Variants in DIAPH2 observed in about 807,000 individuals in gnomAD.
DIAPH2 encodes diaphanous related formin 2, also known as protein diaphanous homolog 2.
A neutral mutation model predicts 92.7 loss-of-function variants in DIAPH2; 35 were observed. The observed-to-expected ratio is 0.38, with a 90% CI of 0.29 to 0.50. The LOEUF is 0.50. Ranked by LOEUF, DIAPH2 falls within the 20% of genes least tolerant of loss-of-function variation. The pLI, the probability that DIAPH2 is intolerant of heterozygous loss-of-function variation, is 0.94. For synonymous variants in DIAPH2, 301 were observed against 280.4 expected, an observed-to-expected ratio of 1.07 and a Z score of -0.73; for missense variants, 701 against 819.5, an observed-to-expected ratio of 0.86 and a Z score of 1.77.
At chrX:97,355,358 A>G (rs1343742195) in intron 24 of DIAPH2, among the ~76,000 whole-genome samples, 2 of 110,432 alleles carry the variant, frequency 1.8e-5, no homozygotes, top group Non-Finnish European at 3.8e-5. Flanking sequence ...CTGATCCAAA[A>G]TGACTTAAGT....
chrX:97,558,732 T>A (rs2071273531), intron 26 of DIAPH2, among the ~76,000 whole-genome samples: 1 of 111,556 alleles, frequency 9.0e-6, no homozygotes, highest in South Asian at 3.7e-4. Context: ...CTAACCAAGA[T>A]AGATAAAATA....
In DIAPH2 at chrX:97,141,718, C is replaced by A; in HGVS notation, c.2643C>A (p.Ala881=). 9 of 1,205,557 alleles carry A rather than the reference C, an allele frequency of 7.5e-6. No individual in the cohort carries two copies. The highest frequency in any genetic ancestry group is 1.8e-5 in the South Asian group (1 of 55,537). ...DQKTTLLHFI[A]DICEEKYRDI... ...AAACAACCCTTTTGCATTTTATTGC[C>A]GACATTTGTGAGGAAAAATATCGAG... Residue 881 remains alanine (A), a synonymous_variant, in exon 22 of 27, where the codon GCC becomes GCA. Transcript: ENST00000324765.
intron 9 of DIAPH2, among the ~76,000 whole-genome samples, chrX:96,921,319 G>A (rs936810612): frequency 3.6e-5 from 4 of 110,680 alleles, no homozygotes; most frequent in South Asian, 3.8e-4. Context: ...AAGATAAATC[G>A]CATATCTTCA....
chrX:97,514,215 A>G (rs1222500409), intron 26 of DIAPH2, among the ~76,000 whole-genome samples: 2 of 112,036 alleles, frequency 1.8e-5, no homozygotes, highest in Non-Finnish European at 3.8e-5. Context: ...GTTTCTTTTT[A>G]TTCTTTTTTC....
rs775248606 is a variant in DIAPH2, at chrX:97,129,825, C to A, written c.2590-11840C>A. ...TATCAACAGAGTGAAAAAAAGGCAA[C>A]CCACAGAATGGGAGAATGTATTCGT... On this transcript the variant is annotated intron_variant, in intron 21 of 26. Transcript: ENST00000324765. Among the ~76,000 whole-genome samples, 3 of 110,960 alleles carry A rather than the reference C, an allele frequency of 2.7e-5. No individual in the cohort carries two copies. The South Asian group carries it at 1.2e-3, about 43-fold the overall frequency.
At chrX:96,707,862 A>C (rs2063895409) in intron 1 of DIAPH2, among the ~76,000 whole-genome samples, 1 of 111,529 alleles carries the variant, frequency 9.0e-6, no homozygotes, top group African/African-American at 3.3e-5. Context: ...TGCTAGGAGC[A>C]TGCTGTATTC....
chrX:96,716,462 ATTGT>A (rs927944978), intron 1 of DIAPH2, among the ~76,000 whole-genome samples: 6 of 111,751 alleles, frequency 5.4e-5, no homozygotes, highest in Non-Finnish European at 1.1e-4. Flanking sequence ...TCTCTTATGT[ATTGT>A]TTATTTCAGC....
chrX:97,248,739 A>G (rs1299532071), intron 23 of DIAPH2, among the ~76,000 whole-genome samples: 2 of 111,859 alleles, frequency 1.8e-5, no homozygotes, highest in Non-Finnish European at 3.8e-5. Flanking sequence ...ACCTTGTTTC[A>G]AGGTTAAATC....
chrX:97,595,315 G>T (rs2071543255), intron 26 of DIAPH2, among the ~76,000 whole-genome samples: 1 of 112,164 alleles, frequency 8.9e-6, no homozygotes, highest in South Asian at 3.7e-4. Context: ...TCCATTTACT[G>T]CAGGACTCAG....
chrX:97,403,619 T>G (rs1346739854), intron 25 of DIAPH2, among the ~76,000 whole-genome samples: 1 of 111,900 alleles, frequency 8.9e-6, no homozygotes, highest in Non-Finnish European at 1.9e-5. Flanking sequence ...CATTTCATTT[T>G]GCAGCATATC....
intron 26 of DIAPH2, chrX:97,431,453 T>C: frequency 8.9e-6 from 1 of 112,522 alleles, no homozygotes; most frequent in East Asian, 2.8e-4. Flanking sequence ...CCAGAAAAAC[T>C]GTACTTGGAG....
At chrX:97,554,170 C>T (rs1221528760) in intron 26 of DIAPH2, among the ~76,000 whole-genome samples, 6 of 111,474 alleles carry the variant, frequency 5.4e-5, no homozygotes, top group Non-Finnish European at 9.4e-5. Flanking sequence ...CCAGAGAAAC[C>T]AGCCTCAAAT....
At chrX:97,239,164 C>T (rs2147537085) in intron 22 of DIAPH2, among the ~76,000 whole-genome samples, 1 of 111,856 alleles carries the variant, frequency 8.9e-6, no homozygotes, top group Admixed American at 9.6e-5. Context: ...CACTGGAATA[C>T]TGTGATTTTT....
chrX:97,045,585 T>C (rs964573786), intron 17 of DIAPH2, among the ~76,000 whole-genome samples: 5 of 111,050 alleles, frequency 4.5e-5, no homozygotes, highest in Non-Finnish European at 7.6e-5. Flanking sequence ...GCAAAGCAAA[T>C]TGAGGAAAGT....
At chrX:97,125,471 C>CAAAAAAAAAAAAAA (rs1159049051) in intron 21 of DIAPH2, among the ~76,000 whole-genome samples, 2 of 19,206 alleles carry the variant, frequency 1.0e-4, no homozygotes, top group African/African-American at 1.9e-4. Flanking sequence ...GACTCCGTCT[C>CAAAAAAAAAAAAAA]AAAAAAAAAA....
chrX:97,249,491 A>G (rs1013668359), intron 23 of DIAPH2, among the ~76,000 whole-genome samples: 1 of 111,975 alleles, frequency 8.9e-6, no homozygotes, highest in African/African-American at 3.2e-5. Context: ...TGCATATCAT[A>G]TTTTTTAAAG....
At chrX:96,804,092 A>G (rs1486365550) in intron 4 of DIAPH2, among the ~76,000 whole-genome samples, 1 of 111,237 alleles carries the variant, frequency 9.0e-6, no homozygotes, top group Non-Finnish European at 1.9e-5. Flanking sequence ...CTAGTATCTC[A>G]TCTCCCTGAC....
chrX:97,518,197 T>C (rs940814497), intron 26 of DIAPH2, among the ~76,000 whole-genome samples: 9 of 112,109 alleles, frequency 8.0e-5, no homozygotes, highest in Admixed American at 5.7e-4. Flanking sequence ...AAGTGCCTAG[T>C]AGGCCATTTT....
intron 17 of DIAPH2, among the ~76,000 whole-genome samples, chrX:97,047,012 A>G (rs780960432): frequency 2.7e-5 from 3 of 110,967 alleles, no homozygotes; most frequent in Non-Finnish European, 5.7e-5. Context: ...GAGAAGTTAA[A>G]CTGAGAGACT....
Sources: gnomAD v4.1 joint callset for allele counts (sites outside exome capture counted in the v4.1 genomes callset) on GRCh38, gnomAD v4.1.1 for gene constraint, MANE v1.5 for transcripts, NCBI Gene and HGNC (gene_info 2026-07-23, HGNC 2026-07-21) for gene names.